MID1: variants seen among roughly 807,000 people sequenced by gnomAD.
MID1 encodes the protein midline 1.
MID1 carries 7 observed loss-of-function variants against 40.4 expected under a neutral mutation model. The observed-to-expected ratio is 0.17, with a 90% CI of 0.10 to 0.33. The LOEUF (loss-of-function observed/expected upper bound fraction) is 0.33, where lower values mean the gene tolerates loss of function less well. Ranked by LOEUF, MID1 falls within the 10% of genes least tolerant of loss-of-function variation. The pLI is 1.00. For synonymous variants in MID1, 229 were observed against 221.2 expected (o/e 1.04, Z -0.31); for missense variants, 367 against 558.5 (o/e 0.66, Z 3.46).
At chrX:10,452,305 A>C (rs757239763) in intron 9 of MID1, among the ~76,000 whole-genome samples, 1 of 112,044 alleles carries the variant, frequency 8.9e-6, no homozygotes, top group Admixed American at 9.5e-5. Context: ...ATAAAACACC[A>C]AGTGCACATT....
intron 1 of MID1, among the ~76,000 whole-genome samples, chrX:10,730,092 A>AT (rs1217537739): frequency 1.3e-4 from 14 of 108,347 alleles, no homozygotes; most frequent in African/African-American, 4.7e-4. Flanking sequence ...TCAAAAAAAA[A>AT]AAAATAAATA....
At chrX:10,469,588 A>G (rs770073415) in intron 7 of MID1, 109 bp downstream of exon 7, 9 of 1,208,482 alleles carry the variant, frequency 7.4e-6, no homozygotes, top group Middle Eastern at 4.6e-4. Context: ...GTCAATAAAT[A>G]TTGTGTGTTC....
intron 1 of MID1, among the ~76,000 whole-genome samples, chrX:10,630,513 T>G (rs1001466160): frequency 7.5e-5 from 8 of 106,414 alleles, no homozygotes; most frequent in Non-Finnish European, 1.5e-4. Flanking sequence ...GTCTCAGGAA[T>G]GTGTCTGAGG....
chrX:10,772,218 T>C (rs972593482), intron 1 of MID1, among the ~76,000 whole-genome samples: 3 of 111,133 alleles, frequency 2.7e-5, no homozygotes, highest in Admixed American at 1.9e-4. Flanking sequence ...TATGATGGAA[T>C]ACTACTCAGC....
At chrX:10,458,214 G>A (rs1414096955) in intron 8 of MID1, among the ~76,000 whole-genome samples, 1 of 112,122 alleles carries the variant, frequency 8.9e-6, no homozygotes, top group African/African-American at 3.2e-5. Flanking sequence ...GTGTGCATAG[G>A]TATTGTGCCA....
chrX:10,449,455 G>A lies in MID1; in HGVS notation c.1917C>T (p.Pro639=). 4 of 1,211,852 alleles carry A rather than the reference G, an allele frequency of 3.3e-6. No homozygotes were observed. The highest frequency in any genetic ancestry group is 4.5e-6 in the Non-Finnish European group (4 of 895,461). ...GACACTTGTTCCACACGGTGAAGGT[G>A]GGGCAAACAGGCTGCGCAAATGCGA... The part of the protein sequence containing the change: ...FDVAFAQPVC[P]TFTVWNKCLT... Residue 639 remains proline (P), a synonymous_variant, in exon 10 of 10, where the codon CCC becomes CCT. Coordinates refer to ENST00000317552, the MANE Select transcript of MID1 (RefSeq NM_000381.4).
chrX:10,726,766 C>T (rs781375972), intron 1 of MID1, among the ~76,000 whole-genome samples: 1 of 112,621 alleles, frequency 8.9e-6, no homozygotes, highest in African/African-American at 3.2e-5. Context: ...CACTATACTT[C>T]AGCATTCTGG....
At chrX:10,478,996 G>T (rs1284025329) in intron 5 of MID1, among the ~76,000 whole-genome samples, 1 of 111,588 alleles carries the variant, frequency 9.0e-6, no homozygotes, top group African/African-American at 3.3e-5. Context: ...ATGAATAGGG[G>T]CAGGTAGACA....
chrX:10,486,831 C>T (rs892707035), intron 4 of MID1, among the ~76,000 whole-genome samples: 1 of 111,627 alleles, frequency 9.0e-6, no homozygotes, highest in Non-Finnish European at 1.9e-5. Context: ...ATATGAGCTT[C>T]AGAGTTTTCA....
chrX:10,806,797 T>C (rs1228630290), intron 1 of MID1, among the ~76,000 whole-genome samples: 1 of 112,221 alleles, frequency 8.9e-6, no homozygotes, highest in Non-Finnish European at 1.9e-5. Context: ...TTACTACAGT[T>C]CATTTGCAAA....
intron 2 of MID1, among the ~76,000 whole-genome samples, chrX:10,549,151 C>A (rs776364096): frequency 8.9e-6 from 1 of 112,298 alleles, no homozygotes; most frequent in Non-Finnish European, 1.9e-5. Context: ...TGGTAAATAC[C>A]ATCAAAATGC....
Position 10,677,012 on chromosome X carries a change from G to T in MID1, c.-186-56593C>A, listed in dbSNP as rs763872499. Among the ~76,000 whole-genome samples the T allele has an allele frequency of 2.7e-5, 3 of 111,635 alleles. No homozygotes were observed. In the South Asian group the frequency reaches 1.1e-3, roughly 42 times the overall value. On this transcript the variant is annotated intron_variant, in intron 1 of 10. Transcript: ENST00000380785. Reference sequence around the variant, plus strand: ...AGAGTAATTCCAAACGAGTTATGTAGAAATCAGCTAGACGCTTCCCAAATC... The same window carrying T: ...AGAGTAATTCCAAACGAGTTATGTATAAATCAGCTAGACGCTTCCCAAATC...
intron 1 of MID1, among the ~76,000 whole-genome samples, chrX:10,715,948 C>A (rs985682601): frequency 1.8e-5 from 2 of 111,790 alleles, no homozygotes; most frequent in Non-Finnish European, 3.8e-5. Flanking sequence ...CTGGAGTGGA[C>A]CTCCAGCAAA....
chrX:10,566,267 A>C (rs374897557), intron 2 of MID1, among the ~76,000 whole-genome samples: 1 of 111,867 alleles, frequency 8.9e-6, no homozygotes, highest in East Asian at 2.8e-4. Context: ...CTTTCGTGAA[A>C]CCTGAGATTG....
At chrX:10,831,160 C>A (rs770077497) in intron 1 of MID1, among the ~76,000 whole-genome samples, 59 of 111,804 alleles carry the variant, frequency 5.3e-4, no homozygotes, top group Non-Finnish European at 7.5e-5. Context: ...GGTATGTCTG[C>A]AACCCACTCA....
At chrX:10,707,788 C>G (rs1459078910) in intron 1 of MID1, among the ~76,000 whole-genome samples, 1 of 111,981 alleles carries the variant, frequency 8.9e-6, no homozygotes, top group Non-Finnish European at 1.9e-5. Flanking sequence ...GTTCATGTCC[C>G]CCAGCACTGG....
intron 1 of MID1, among the ~76,000 whole-genome samples, chrX:10,775,522 T>C (rs943393402): frequency 8.9e-6 from 1 of 112,381 alleles, no homozygotes; most frequent in African/African-American, 3.2e-5. Context: ...GTTCATTAAT[T>C]GAGTCATGAA....
intron 1 of MID1, among the ~76,000 whole-genome samples, chrX:10,788,744 C>A (rs1348428220): frequency 9.0e-6 from 1 of 111,727 alleles, no homozygotes; most frequent in Non-Finnish European, 1.9e-5. Context: ...GGGCAAAGGA[C>A]AGCCCACAAC....
intron 1 of MID1, among the ~76,000 whole-genome samples, chrX:10,768,698 G>C (rs771391248): frequency 4.5e-5 from 5 of 112,100 alleles, no homozygotes; most frequent in Non-Finnish European, 9.4e-5. Context: ...TTTCCCCAGT[G>C]GTGAAATGGC....
Sources: gnomAD v4.1 joint callset for allele counts (sites outside exome capture counted in the v4.1 genomes callset) on GRCh38, gnomAD v4.1.1 for gene constraint, MANE v1.5 for transcripts, NCBI Gene and HGNC (gene_info 2026-07-23, HGNC 2026-07-21) for gene names.